The following CAMKMT variants were observed in gnomAD, a reference collection of about 807,000 sequenced individuals.
The protein encoded by CAMKMT is CaM KMT.
Under a neutral mutation model 48.0 loss-of-function variants are expected in CAMKMT, and 53 were observed. That is an observed-to-expected ratio of 1.10 (90% CI 0.89 to 1.39). The LOEUF is 1.39. CAMKMT is among the 40% of genes most tolerant of loss of function. CAMKMT has a pLI of 0.00. For synonymous variants in CAMKMT, 165 were observed against 152.3 expected, an observed-to-expected ratio of 1.08 and a Z score of -0.61; for missense variants, 428 against 402.7, an observed-to-expected ratio of 1.06 and a Z score of -0.54.
intron 1 of CAMKMT, among the ~76,000 whole-genome samples, chr2:44,371,110 C>G (rs1679135321): frequency 6.6e-6 from 1 of 152,034 alleles, no homozygotes; most frequent in South Asian, 2.1e-4. Flanking sequence ...TCAGCCTCCC[C>G]ATCAGCTGGG....
rs376591008 is a variant in CAMKMT at position 44,627,553 on chromosome 2, A to C, written c.377-76730A>C. Among the ~76,000 whole-genome samples, 180 of 152,194 alleles carry C rather than the reference A, an allele frequency of 1.2e-3. 3 individuals carry two copies. In the South Asian group the frequency reaches 0.036, roughly 30 times the overall value. Reference sequence around the variant, plus strand: ...GAAAAAAAGTTTCGTTCACAGATTCAATTAAATAGACATAGGCCTCTTCAG... The same window carrying C: ...GAAAAAAAGTTTCGTTCACAGATTCCATTAAATAGACATAGGCCTCTTCAG... On this transcript the variant is annotated intron_variant, in intron 3 of 10. Coordinates refer to ENST00000378494, the MANE Select transcript of CAMKMT (RefSeq NM_024766.5).
intron 3 of CAMKMT, among the ~76,000 whole-genome samples, chr2:44,507,311 CCTT>C (rs1440735161): frequency 6.6e-6 from 1 of 152,118 alleles, no homozygotes; most frequent in Non-Finnish European, 1.5e-5. Context: ...GAAACTCAGA[CCTT>C]AAATCTTTAA....
At chr2:44,372,413 TG>T (rs1679266652) in intron 1 of CAMKMT, among the ~76,000 whole-genome samples, 1 of 150,048 alleles carries the variant, frequency 6.7e-6, no homozygotes, top group South Asian at 2.1e-4. Context: ...TGAACCCAGC[TG>T]GGTGACAGGC....
At chr2:44,443,362 C>T (rs1213808545) in intron 3 of CAMKMT, among the ~76,000 whole-genome samples, 1 of 152,030 alleles carries the variant, frequency 6.6e-6, no homozygotes, top group East Asian at 1.9e-4. Context: ...TTAATATTAC[C>T]ATTTTTTTAT....
At chr2:44,430,077 G>C (rs1048038522) in intron 3 of CAMKMT, among the ~76,000 whole-genome samples, 2 of 151,658 alleles carry the variant, frequency 1.3e-5, no homozygotes, top group Non-Finnish European at 2.9e-5. Context: ...ATGGGCTTTC[G>C]GCTATGAATG....
chr2:44,442,639 A>T (rs1308511563), intron 3 of CAMKMT, among the ~76,000 whole-genome samples: 1 of 152,188 alleles, frequency 6.6e-6, no homozygotes, highest in East Asian at 1.9e-4. Flanking sequence ...ACCGACTTCT[A>T]CTGATGTTTC....
chr2:44,528,753 A>G (rs1423428562), intron 3 of CAMKMT, among the ~76,000 whole-genome samples: 1 of 151,438 alleles, frequency 6.6e-6, no homozygotes, highest in Non-Finnish European at 1.5e-5. Flanking sequence ...TGGACTATTC[A>G]TCTTGTTTCT....
chr2:44,682,230 C>A (rs914944057), intron 3 of CAMKMT, among the ~76,000 whole-genome samples: 1 of 152,098 alleles, frequency 6.6e-6, no homozygotes, highest in African/African-American at 2.4e-5. Flanking sequence ...ATTCAGTAAT[C>A]GTTTATGAAA....
At chr2:44,423,637 G>A (rs1187037998) in intron 3 of CAMKMT, among the ~76,000 whole-genome samples, 1 of 152,068 alleles carries the variant, frequency 6.6e-6, no homozygotes. Flanking sequence ...TCTTCCTCAT[G>A]GACTATGAAC....
intron 3 of CAMKMT, among the ~76,000 whole-genome samples, chr2:44,620,731 CCT>C (rs1455172625): frequency 6.6e-6 from 1 of 152,134 alleles, no homozygotes; most frequent in East Asian, 1.9e-4. Context: ...TAATTCCTAC[CCT>C]CTGTTTCAAA....
intron 10 of CAMKMT, among the ~76,000 whole-genome samples, chr2:44,768,361 A>ATATATATATATATATATATATATATAT (rs35058824): frequency 8.6e-6 from 1 of 115,744 alleles, no homozygotes; most frequent in African/African-American, 3.7e-5. Context: ...ATATATATAT[A>ATATATATATATATATATATATATATAT]TTTTTTTTTT....
chr2:44,467,478 G>A (rs1168662855), intron 3 of CAMKMT, among the ~76,000 whole-genome samples: 2 of 151,920 alleles, frequency 1.3e-5, no homozygotes, highest in Non-Finnish European at 2.9e-5. Context: ...GTTGTAGTGA[G>A]CTGTGAGCTG....
intron 3 of CAMKMT, among the ~76,000 whole-genome samples, chr2:44,630,495 C>T (rs1672749800): frequency 6.7e-6 from 1 of 148,892 alleles, no homozygotes; most frequent in Admixed American, 6.7e-5. Flanking sequence ...GCAACCTACT[C>T]ATCTGACAAA....
chr2:44,656,285 A>C (rs1275314675), intron 3 of CAMKMT, among the ~76,000 whole-genome samples: 4 of 152,178 alleles, frequency 2.6e-5, no homozygotes, highest in Non-Finnish European at 5.9e-5. Context: ...TGTTTTACCA[A>C]ATCATTTCTT....
chr2:44,708,419 C>A (rs994375005), intron 6 of CAMKMT, among the ~76,000 whole-genome samples: 1 of 151,628 alleles, frequency 6.6e-6, no homozygotes, highest in Non-Finnish European at 1.5e-5. Context: ...GCTGCTCAAA[C>A]AGGAGAAAGG....
chr2:44,625,167 A>T (rs1230148845), intron 3 of CAMKMT, among the ~76,000 whole-genome samples: 1 of 152,188 alleles, frequency 6.6e-6, no homozygotes, highest in African/African-American at 2.4e-5. Flanking sequence ...TGGTATGATT[A>T]GTCTTTTTAA....
intron 3 of CAMKMT, among the ~76,000 whole-genome samples, chr2:44,638,795 C>T (rs1673288266): frequency 6.6e-6 from 1 of 152,180 alleles, no homozygotes; most frequent in Non-Finnish European, 1.5e-5. Flanking sequence ...TGATTAATTG[C>T]CTCTGACATT....
chr2:44,600,002 G>A (rs1345572440), intron 3 of CAMKMT, among the ~76,000 whole-genome samples: 1 of 152,028 alleles, frequency 6.6e-6, no homozygotes, highest in Non-Finnish European at 1.5e-5. Context: ...AATAAAAGTT[G>A]TGGAAACTTT....
At chr2:44,413,743 T>G (rs1452257837) in intron 3 of CAMKMT, among the ~76,000 whole-genome samples, 1 of 152,150 alleles carries the variant, frequency 6.6e-6, no homozygotes, top group Non-Finnish European at 1.5e-5. Flanking sequence ...TTTTCAACAC[T>G]TGGCTTATAT....
Sources: allele counts gnomAD v4.1 joint callset (sites outside exome capture counted in the v4.1 genomes callset), GRCh38; gene constraint gnomAD v4.1.1; transcripts MANE v1.5; gene names NCBI Gene and HGNC (gene_info 2026-07-23, HGNC 2026-07-21).